The following EDIL3 variants were observed in gnomAD, a reference collection of about 807,000 sequenced individuals.
EDIL3 encodes the protein EGF like and discoidin domains 3.
In EDIL3, 37 loss-of-function variants were observed where a neutral mutation model predicts 67.4. That is an observed-to-expected ratio of 0.55 (90% CI 0.42 to 0.72). The LOEUF (loss-of-function observed/expected upper bound fraction) is 0.72. EDIL3 is among the 30% of genes least tolerant of loss of function. The pLI, the probability that EDIL3 is intolerant of heterozygous loss-of-function variation, is 0.00. For missense variants in EDIL3, 527 were observed against 586.3 expected (o/e 0.90, Z 1.04); for synonymous variants, 195 against 196.3 (o/e 0.99, Z 0.05).
At chr5:84,109,265 G>A (rs1428300771) in intron 5 of EDIL3, among the ~76,000 whole-genome samples, 1 of 152,162 alleles carries the variant, frequency 6.6e-6, no homozygotes, top group African/African-American at 2.4e-5. Context: ...CAGCACTTTG[G>A]GAGACCGAGG....
intron 3 of EDIL3, among the ~76,000 whole-genome samples, chr5:84,192,460 G>A (rs1230621683): frequency 6.6e-6 from 1 of 151,818 alleles, no homozygotes; most frequent in Non-Finnish European, 1.5e-5. Context: ...AAATGACTCT[G>A]CAGCCTTAAA....
At chr5:84,359,220 T>A (rs915695663) in intron 1 of EDIL3, among the ~76,000 whole-genome samples, 3 of 152,192 alleles carry the variant, frequency 2.0e-5, no homozygotes, top group Admixed American at 6.5e-5. Flanking sequence ...TATCTGCCTA[T>A]ATAGCATTGT....
At chr5:83,950,806 T>C (rs1356229798) in intron 10 of EDIL3, among the ~76,000 whole-genome samples, 1 of 151,834 alleles carries the variant, frequency 6.6e-6, no homozygotes, top group African/African-American at 2.4e-5. Context: ...ATCATTTCCA[T>C]AAAAGCTTAT....
chr5:83,978,067 G>A (rs182688211), intron 9 of EDIL3, among the ~76,000 whole-genome samples: 5 of 151,816 alleles, frequency 3.3e-5, no homozygotes, highest in African/African-American at 4.8e-5. Context: ...AATGAAATAG[G>A]AGATACAAAA....
At chr5:83,977,135 G>A (rs1014298536) in intron 9 of EDIL3, among the ~76,000 whole-genome samples, 3 of 151,632 alleles carry the variant, frequency 2.0e-5, no homozygotes, top group African/African-American at 4.8e-5. Flanking sequence ...ATGAGTATAC[G>A]AATGTTTAAC....
At chr5:83,946,667 G>C (rs969086314) in intron 10 of EDIL3, among the ~76,000 whole-genome samples, 1 of 151,694 alleles carries the variant, frequency 6.6e-6, no homozygotes, top group Non-Finnish European at 1.5e-5. Flanking sequence ...TTAGGACTAC[G>C]GTCTATTCAG....
intron 9 of EDIL3, among the ~76,000 whole-genome samples, chr5:84,006,903 A>C (rs1401114230): frequency 6.6e-6 from 1 of 150,904 alleles, no homozygotes; most frequent in Non-Finnish European, 1.5e-5. Context: ...ACAGAACCAC[A>C]GTAACCACAA....
intron 4 of EDIL3, among the ~76,000 whole-genome samples, chr5:84,150,704 A>C (rs1580350522): frequency 6.6e-6 from 1 of 152,172 alleles, no homozygotes; most frequent in East Asian, 1.9e-4. Flanking sequence ...ATCCATTTGG[A>C]AAACCATGTG....
intron 9 of EDIL3, among the ~76,000 whole-genome samples, chr5:84,001,731 A>G (rs556531062): frequency 5.3e-5 from 8 of 152,160 alleles, no homozygotes; most frequent in African/African-American, 1.9e-4. Flanking sequence ...AAATTGAACC[A>G]TGAAGAAATC....
chr5:84,177,908 T>C (rs1748949318), intron 4 of EDIL3, among the ~76,000 whole-genome samples: 1 of 152,206 alleles, frequency 6.6e-6, no homozygotes, highest in Non-Finnish European at 1.5e-5. Flanking sequence ...GTTCTTTAAA[T>C]GTCTAGCTAT....
intron 9 of EDIL3, among the ~76,000 whole-genome samples, chr5:84,045,597 T>A (rs934595409): frequency 2.6e-5 from 4 of 152,162 alleles, no homozygotes. Context: ...GATAAATGTG[T>A]CCTTAGTCAC....
rs1462933414 is a variant in EDIL3, at chr5:84,053,919, A to G, written c.1137+6381T>C. ...TACCATTCCTTCTGAAACTATTCCA[A>G]TCAATAGAAAAAGAGGGAATCCTCC... On this transcript the variant is annotated intron_variant, in intron 9 of 10. Coordinates refer to ENST00000296591, the MANE Select transcript of EDIL3 (RefSeq NM_005711.5). Among the ~76,000 whole-genome samples, 15 of 152,312 alleles carry G rather than the reference A, an allele frequency of 9.8e-5. No individual in the cohort carries two copies. The East Asian group carries it at 2.7e-3, about 27-fold the overall frequency.
In EDIL3 at chr5:84,176,197, TAATATATATATATATA is replaced by T. The variant is rs1190640268; in HGVS notation, c.355+4180_355+4195del. Among the ~76,000 whole-genome samples, 5 of 106,646 alleles carry T rather than the reference TAATATATATATATATA, an allele frequency of 4.7e-5. 1 individual carries two copies. Among genetic ancestry groups the T allele is most frequent in the Admixed American group, 4.7e-4 (5 of 10,748 alleles). The allele number at this position is 106,646 out of a possible 152,430, so 70.0% of individuals were successfully genotyped here. Reference sequence around the variant, plus strand: ...GTGGTAAAAAATATATATATATATATAATATATATATATATATATATATATATATAATATATTGTAT... The same window carrying T: ...GTGGTAAAAAATATATATATATATATTATATATATATATAATATATTGTAT... On this transcript the variant is annotated intron_variant, in intron 4 of 10. Transcript: ENST00000296591.
intron 1 of EDIL3, among the ~76,000 whole-genome samples, chr5:84,302,621 C>G (rs967243722): frequency 1.3e-5 from 2 of 152,046 alleles, no homozygotes; most frequent in African/African-American, 4.8e-5. Flanking sequence ...TAAATGGAAC[C>G]CTTATAGCCT....
chr5:83,943,676 T>C (rs1208513517), intron 10 of EDIL3, 108 bp from the exon 11 acceptor site: 5 of 1,278,282 alleles, frequency 3.9e-6, no homozygotes, highest in Non-Finnish European at 5.3e-6. Flanking sequence ...TTGATAACTA[T>C]TCATTTTCTT....
intron 5 of EDIL3, among the ~76,000 whole-genome samples, chr5:84,108,429 T>G (rs1239606640): frequency 6.6e-6 from 1 of 152,140 alleles, no homozygotes; most frequent in Non-Finnish European, 1.5e-5. Context: ...GATCTTTTTT[T>G]AACATGTAAT....
chr5:84,022,039 TA>T (rs1206217103), intron 9 of EDIL3, among the ~76,000 whole-genome samples: 1 of 151,892 alleles, frequency 6.6e-6, no homozygotes, highest in African/African-American at 2.4e-5. Context: ...AAATTCTTCC[TA>T]ACTAATTCTA....
intron 3 of EDIL3, among the ~76,000 whole-genome samples, chr5:84,217,721 AACACACACACACAC>A (rs61264723): frequency 6.7e-5 from 9 of 134,932 alleles, no homozygotes; most frequent in South Asian, 2.5e-4. Flanking sequence ...TATACACACA[AACACACACACACAC>A]ACACACACAC....
intron 9 of EDIL3, among the ~76,000 whole-genome samples, chr5:84,030,928 AT>A (rs35162260): frequency 1.3e-5 from 2 of 151,338 alleles, no homozygotes; most frequent in African/African-American, 4.9e-5. Context: ...AAAAAACAAC[AT>A]TTTTTTTTCT....
Sources: allele counts gnomAD v4.1 joint callset (sites outside exome capture counted in the v4.1 genomes callset), GRCh38; gene constraint gnomAD v4.1.1; transcripts MANE v1.5; gene names NCBI Gene and HGNC (gene_info 2026-07-23, HGNC 2026-07-21).